The following MIA3 variants were observed in gnomAD, a reference collection of about 807,000 sequenced individuals.
MIA3 encodes transport and Golgi organization protein 1 homolog.
A neutral mutation model predicts 192.4 loss-of-function variants in MIA3; 90 were observed. That is an observed-to-expected ratio of 0.47 (90% CI 0.39 to 0.56). MIA3 has a LOEUF of 0.56. Ranked by LOEUF, MIA3 falls within the 20% of genes least tolerant of loss-of-function variation. The pLI is 0.00. For synonymous variants in MIA3, 740 were observed against 792.8 expected, an observed-to-expected ratio of 0.93 and a Z score of 1.12; for missense variants, 2,123 against 2,269.4, an observed-to-expected ratio of 0.94 and a Z score of 1.31.
intron 6 of MIA3, chr1:222,644,225 T>C: frequency 8.3e-7 from 1 of 1,210,790 alleles, no homozygotes; most frequent in Non-Finnish European, 1.1e-6. Context: ...CCTCGATAGT[T>C]GGTTCCGTCC....
rs897163936 is a variant in MIA3, at chr1:222,633,088, T to G, written c.3332-16T>G. Reference sequence around the variant, plus strand: ...ATTCTAAAGCACAAAATGTCTATCTTTCCTCCCAATTCCAGGGCCAGTTAC... The same window carrying G: ...ATTCTAAAGCACAAAATGTCTATCTGTCCTCCCAATTCCAGGGCCAGTTAC... On this transcript the variant is annotated splice_polypyrimidine_tract_variant and intron_variant, in intron 5 of 27. Coordinates refer to ENST00000344922, the MANE Select transcript of MIA3 (RefSeq NM_198551.4). 6 of 1,574,928 alleles carry G rather than the reference T, an allele frequency of 3.8e-6. No homozygotes were observed. The highest frequency in any genetic ancestry group is 1.4e-5 in the African/African-American group (1 of 72,596).
In MIA3 at chr1:222,665,576, G is replaced by T; in HGVS notation, c.5681G>T (p.Ser1894Ile). Residue 1894 changes from serine (S) to isoleucine (I), a missense_variant, in exon 28 of 28, where the codon AGC becomes ATC. Ser to Ile is a moderately radical substitution (Grantham distance 142, BLOSUM62 -2). Transcript: ENST00000344922. ...GATGAGCCTCCACCTGCCTCTCAGA[G>T]CACTAGCCAGGACTGTTCACAGGCT... Reference protein sequence around the residue: ...SRDEPPPASQSTSQDCSQALK... With the variant: ...SRDEPPPASQITSQDCSQALK... The T allele has an allele frequency of 6.2e-7, 1 of 1,613,698 alleles. No individual in the cohort carries two copies.
chr1:222,650,951 CTT>C (rs753499943), intron 11 of MIA3, 48 bp downstream of exon 11: 108 of 1,117,580 alleles, frequency 9.7e-5, no homozygotes, highest in Admixed American at 2.1e-4. Flanking sequence ...GTTTTGAACT[CTT>C]TTGTAGATTG....
rs749345307 is a variant in MIA3 at position 222,652,290 on chromosome 1, G to T, written c.4044G>T (p.Arg1348=). 19 of 1,613,850 alleles carry T rather than the reference G, an allele frequency of 1.2e-5. No homozygotes were observed. The Admixed American group carries it at 3.0e-4, about 25-fold the overall frequency. ...SEEKVKSECH[R]VQEENARLKK... ...AGAAGGTGAAGTCTGAATGCCATCG[G>T]GTTCAAGAAGAAAATGCTAGGCTTA... Residue 1348 remains arginine, a synonymous_variant, in exon 13 of 28, where the codon CGG becomes CGT. Coordinates refer to ENST00000344922, the MANE Select transcript of MIA3 (RefSeq NM_198551.4).
chr1:222,650,385 G>T lies in MIA3; in HGVS notation c.3720+5G>T. ...TTGTCAAATTATGAACAGAAGGTAT[G>T]ATTATTCTTTGTTTTTTTTTTTTTT... On this transcript the variant is annotated splice_donor_5th_base_variant and intron_variant, in intron 9 of 27. Coordinates refer to ENST00000344922, the MANE Select transcript of MIA3 (RefSeq NM_198551.4). 2 of 1,445,396 alleles carry T rather than the reference G, an allele frequency of 1.4e-6. No homozygotes were observed. The highest frequency in any genetic ancestry group is 1.9e-6 in the Non-Finnish European group (2 of 1,046,964). The allele number at this position is 1,445,396 out of a possible 1,614,324, so 89.5% of individuals were successfully genotyped here.
At position 222,654,771 on chromosome 1, in the gene MIA3, CAGA is replaced by C. The variant is rs1663627000; in HGVS notation, c.4588_4590del (p.Lys1530del). 3 of 1,613,914 alleles carry C rather than the reference CAGA, an allele frequency of 1.9e-6. No individual in the cohort carries two copies. Among genetic ancestry groups the C allele is most frequent in the Non-Finnish European group, 1.7e-6 (2 of 1,179,908 alleles). On this transcript the variant is annotated inframe_deletion, in exon 18 of 28. Coordinates refer to ENST00000344922, the MANE Select transcript of MIA3 (RefSeq NM_198551.4). The stretch of plus-strand genomic sequence containing the variant: ...GGAGATTCTGAATGAGCTCTATCAG[CAGA>C]AGGAGATGGCTTTGCAAAAGTAAGA...
At chr1:222,655,962 CCTTTT>C (rs1205916689) in intron 18 of MIA3, among the ~76,000 whole-genome samples, 1 of 71,278 alleles carries the variant, frequency 1.4e-5, no homozygotes, top group Non-Finnish European at 2.5e-5. Flanking sequence ...ACTTTCTTTC[CCTTTT>C]TTTTTTTTTT....
At position 222,654,246 on chromosome 1, in the gene MIA3, A is replaced by T; in HGVS notation, c.4325A>T (p.Asp1442Val). 6.2e-7 allele frequency: 1 copy of T among 1,613,648 alleles called. No homozygotes were observed. Among genetic ancestry groups the T allele is most frequent in the East Asian group, 2.2e-5 (1 of 44,862 alleles). ...DELANGEVGG[D>V]RNEKMKNQIK... ...AAGAAAGCCTTTTGTTTTTTAGGTG[A>T]CCGGAATGAGAAGATGAAAAATCAA... Residue 1442 changes from aspartate (D) to valine (V), a missense_variant, in exon 16 of 28, where the codon GAC (aspartate) becomes GTC (valine). Around this residue, in one of 3 missense-constraint regions of MIA3, gnomAD observed 762 missense variants for 856.4 expected, o/e 0.89. Coordinates refer to ENST00000344922, the MANE Select transcript of MIA3 (RefSeq NM_198551.4).
chr1:222,628,998 A>G lies in MIA3; in HGVS notation c.1778A>G (p.Asp593Gly). Residue 593 changes from aspartate to glycine, a missense_variant, in exon 4 of 28, where the codon GAC (aspartate) becomes GGC (glycine). By Grantham distance (94) the Asp-to-Gly change is moderately conservative (BLOSUM62 -1). Around this residue, in one of 3 missense-constraint regions of MIA3, gnomAD observed 1,357 missense variants for 1,396.1 expected, o/e 0.97. Coordinates refer to ENST00000344922, the MANE Select transcript of MIA3 (RefSeq NM_198551.4). ...MGDDHPNASR[D>G]SVEGDALVNG... ...GATGACCACCCTAACGCATCCAGAG[A>G]CAGTGTGGAGGGAGACGCTTTGGTA... 6.2e-7 allele frequency: 1 copy of G among 1,614,220 alleles called. No homozygotes were observed. Among genetic ancestry groups the G allele is most frequent in the Non-Finnish European group, 8.5e-7 (1 of 1,180,040 alleles).
At chr1:222,655,495 A>G (rs948154017) in intron 18 of MIA3, among the ~76,000 whole-genome samples, 1 of 152,218 alleles carries the variant, frequency 6.6e-6, no homozygotes, top group African/African-American at 2.4e-5. Flanking sequence ...TTTGGTGTAT[A>G]TGGCAGTGTG....
chr1:222,653,290 A>G lies in MIA3; in HGVS notation c.4272A>G (p.Gln1424=), dbSNP rs1663539930. 3 of 1,613,966 alleles carry G rather than the reference A, an allele frequency of 1.9e-6. No individual in the cohort carries two copies. The highest frequency in any genetic ancestry group is 1.3e-5 in the African/African-American group (1 of 74,942). ...AGTGTGAATCTGAATCTGAGGGTCA[A>G]AATAAAGGTGGAAATGATTCAGATG... ...LLECESESEG[Q]NKGGNDSDEL... Residue 1424 remains glutamine (Q), a synonymous_variant, in exon 15 of 28, where the codon CAA becomes CAG. Transcript: ENST00000344922.
At chr1:222,626,021 C>T (rs1384198169) in intron 3 of MIA3, among the ~76,000 whole-genome samples, 3 of 152,096 alleles carry the variant, frequency 2.0e-5, no homozygotes, top group Non-Finnish European at 4.4e-5. Context: ...TTACAGGCTG[C>T]CTTTCATATA....
In MIA3 at chr1:222,652,059, C is replaced by T; in HGVS notation, c.3981+11C>T. On this transcript the variant is annotated intron_variant, in intron 12 of 27. Transcript: ENST00000344922. Reference sequence around the variant, plus strand: ...TCAGAATTTTCAGAGGTAAAGCTGACTGTAATTCCTGCAGGATATTAATAC... The same window carrying T: ...TCAGAATTTTCAGAGGTAAAGCTGATTGTAATTCCTGCAGGATATTAATAC... The T allele has an allele frequency of 6.7e-7, 1 of 1,484,804 alleles. No homozygotes were observed. The highest frequency in any genetic ancestry group is 9.4e-7 in the Non-Finnish European group (1 of 1,062,798). The allele number at this position is 1,484,804 out of a possible 1,614,324, so 92.0% of individuals were successfully genotyped here.
At chr1:222,624,681 G>A (rs903715700) in intron 2 of MIA3, 87 bp from the exon 3 acceptor site, 6 of 695,376 alleles carry the variant, frequency 8.6e-6, no homozygotes, top group Non-Finnish European at 1.6e-5. Flanking sequence ...GATATGTGCT[G>A]TAGATTGAGG....
At chr1:222,633,598 A>G (rs1393045913) in intron 6 of MIA3, among the ~76,000 whole-genome samples, 1 of 152,214 alleles carries the variant, frequency 6.6e-6, no homozygotes, top group Non-Finnish European at 1.5e-5. Flanking sequence ...AATCTGTGGC[A>G]TAAATTGGTT....
At chr1:222,619,548 G>T (rs1318849163) in intron 1 of MIA3, among the ~76,000 whole-genome samples, 1 of 152,172 alleles carries the variant, frequency 6.6e-6, no homozygotes, top group African/African-American at 2.4e-5. Flanking sequence ...CTACAAAAGC[G>T]GTACAACTGC....
chr1:222,645,494 GCTTT>G, intron 6 of MIA3, 56 bp from the exon 7 acceptor site: 1 of 1,481,764 alleles, frequency 6.7e-7, no homozygotes, highest in Non-Finnish European at 9.1e-7. Context: ...CTTTGTGACT[GCTTT>G]ATGGTAAGCT....
intron 5 of MIA3, 122 bp downstream of exon 5, chr1:222,632,448 G>A (rs1417821689): frequency 2.4e-6 from 2 of 841,026 alleles, no homozygotes; most frequent in Admixed American, 3.0e-5. Context: ...GGATCCCAGA[G>A]CTAATTGAGA....
intron 8 of MIA3, 25 bp from the exon 9 acceptor site, chr1:222,650,267 C>A (rs771620910): frequency 2.3e-6 from 3 of 1,324,682 alleles, no homozygotes; most frequent in Non-Finnish European, 3.2e-6. Context: ...ATCATAATAA[C>A]CTTATTATTT....
Sources: gnomAD v4.1 joint callset for allele counts (sites outside exome capture counted in the v4.1 genomes callset) on GRCh38, gnomAD v4.1.1 for gene constraint, gnomAD v4.1.1 regional missense constraint, MANE v1.5 for transcripts, NCBI Gene and HGNC (gene_info 2026-07-23, HGNC 2026-07-21) for gene names.